VAV3: variants seen among roughly 807,000 people sequenced by gnomAD.
VAV3 encodes guanine nucleotide exchange factor VAV3.
In VAV3, 94 loss-of-function variants were observed where a neutral mutation model predicts 131.2. That is an observed-to-expected ratio of 0.72 (90% CI 0.61 to 0.85). The LOEUF is 0.85. Among genes scored for constraint, VAV3 ranks in the 40% least tolerant of loss-of-function variants. The probability of loss-of-function intolerance (pLI) is 0.00; values close to 1 mark genes in which losing one functional copy is unlikely to be tolerated. For missense variants in VAV3, 939 were observed against 1,002.7 expected, an observed-to-expected ratio of 0.94 and a Z score of 0.86; for synonymous variants, 349 against 342.0, an observed-to-expected ratio of 1.02 and a Z score of -0.22.
intron 15 of VAV3, among the ~76,000 whole-genome samples, chr1:107,744,589 T>A (rs12033063): frequency 0.01 from 1,588 of 152,254 alleles, 24 homozygotes; most frequent in South Asian, 0.045. Context: ...TTTCTTTTTT[T>A]AAAAAAACAA....
chr1:107,944,210 G>A (rs558944132), intron 1 of VAV3, among the ~76,000 whole-genome samples: 4 of 152,224 alleles, frequency 2.6e-5, no homozygotes, highest in South Asian at 2.1e-4. Flanking sequence ...TAAGGATGCC[G>A]GACCCCCTCT....
intron 2 of VAV3, among the ~76,000 whole-genome samples, chr1:107,863,355 C>T (rs1235632930): frequency 6.6e-6 from 1 of 152,194 alleles, no homozygotes; most frequent in East Asian, 1.9e-4. Context: ...CTACCACTGG[C>T]ATTACAATTA....
intron 25 of VAV3, among the ~76,000 whole-genome samples, chr1:107,575,249 CTT>C (rs778724114): frequency 9.2e-5 from 14 of 152,014 alleles, no homozygotes; most frequent in Non-Finnish European, 2.1e-4. Flanking sequence ...GTTGGTGAAA[CTT>C]TATAAATCTT....
intron 9 of VAV3, among the ~76,000 whole-genome samples, chr1:107,763,925 T>C (rs978140321): frequency 6.6e-6 from 1 of 150,662 alleles, no homozygotes; most frequent in South Asian, 2.1e-4. Context: ...AACAGGCAAA[T>C]AAGCCACACG....
At chr1:107,841,291 G>A (rs571161254) in intron 2 of VAV3, among the ~76,000 whole-genome samples, 3 of 151,898 alleles carry the variant, frequency 2.0e-5, no homozygotes, top group Non-Finnish European at 4.4e-5. Flanking sequence ...TAGGGGAAAG[G>A]GGGGGGTAGA....
chr1:107,840,506 A>G (rs1668653711), intron 2 of VAV3, among the ~76,000 whole-genome samples: 1 of 152,196 alleles, frequency 6.6e-6, no homozygotes, highest in African/African-American at 2.4e-5. Flanking sequence ...GCTCCATTCC[A>G]GAGCATTTAA....
chr1:107,661,307 G>T (rs531995924), intron 19 of VAV3, among the ~76,000 whole-genome samples: 76 of 152,226 alleles, frequency 5.0e-4, no homozygotes, highest in Middle Eastern at 3.4e-3. Context: ...GACCCATTAT[G>T]CACCCAAAGT....
chr1:107,808,297 C>T (rs577475814), intron 2 of VAV3, among the ~76,000 whole-genome samples: 1 of 152,010 alleles, frequency 6.6e-6, no homozygotes, highest in Admixed American at 6.6e-5. Flanking sequence ...GTGAACATGA[C>T]AGGCCTAAGA....
intron 15 of VAV3, among the ~76,000 whole-genome samples, chr1:107,745,323 T>C (rs1663273551): frequency 6.6e-6 from 1 of 152,192 alleles, no homozygotes; most frequent in Non-Finnish European, 1.5e-5. Flanking sequence ...ATTTGGTCTA[T>C]TTGGCTCAAT....
chr1:107,807,364 A>G (rs1667107216), intron 2 of VAV3, among the ~76,000 whole-genome samples: 1 of 152,208 alleles, frequency 6.6e-6, no homozygotes, highest in Admixed American at 6.5e-5. Context: ...ATATAGTAGA[A>G]AATGTTATTA....
chr1:107,794,415 T>A (rs1373686995), intron 2 of VAV3, among the ~76,000 whole-genome samples: 1 of 152,232 alleles, frequency 6.6e-6, no homozygotes, highest in Non-Finnish European at 1.5e-5. Context: ...TTATGATACA[T>A]TTTTTCCTTT....
At chr1:107,856,693 T>C (rs991639235) in intron 2 of VAV3, among the ~76,000 whole-genome samples, 1 of 152,176 alleles carries the variant, frequency 6.6e-6, no homozygotes, top group East Asian at 1.9e-4. Context: ...AGAGCAAATA[T>C]GAGATTTTTG....
At chr1:107,847,354 T>C (rs1221068810) in intron 2 of VAV3, among the ~76,000 whole-genome samples, 2 of 151,848 alleles carry the variant, frequency 1.3e-5, no homozygotes, top group African/African-American at 4.8e-5. Context: ...AATATCACGG[T>C]TAAAAGAACT....
At chr1:107,854,374 A>T (rs1439633453) in intron 2 of VAV3, among the ~76,000 whole-genome samples, 2 of 152,216 alleles carry the variant, frequency 1.3e-5, no homozygotes, top group Admixed American at 6.5e-5. Flanking sequence ...CCCTGGGCAA[A>T]CAGATACATA....
intron 20 of VAV3, among the ~76,000 whole-genome samples, chr1:107,625,002 A>G (rs904223170): frequency 5.3e-5 from 8 of 152,068 alleles, no homozygotes; most frequent in African/African-American, 9.7e-5. Flanking sequence ...GGGAGTTGGG[A>G]GCCTGGGTTT....
At chr1:107,849,279 T>C (rs2100948502) in intron 2 of VAV3, among the ~76,000 whole-genome samples, 1 of 150,230 alleles carries the variant, frequency 6.7e-6, no homozygotes, top group South Asian at 2.1e-4. Flanking sequence ...AAGACAATCC[T>C]AGGCAAAAAG....
chr1:107,676,171 G>GA (rs1022475030), intron 19 of VAV3, among the ~76,000 whole-genome samples: 10 of 152,098 alleles, frequency 6.6e-5, no homozygotes, highest in African/African-American at 1.9e-4. Flanking sequence ...CAGAATTATA[G>GA]AAAAAAAATT....
At chr1:107,756,140 C>T (rs1232486662) in intron 11 of VAV3, among the ~76,000 whole-genome samples, 5 of 152,184 alleles carry the variant, frequency 3.3e-5, no homozygotes, top group African/African-American at 1.2e-4. Flanking sequence ...ACATAAAATG[C>T]TGGCCGTGTC....
Position 107,607,916 on chromosome 1 carries a change from T to G in VAV3, c.2015+2015A>C, listed in dbSNP as rs571607248. 7.2e-4 allele frequency among the ~76,000 whole-genome samples: 110 copies of G among 152,294 alleles called. 1 individual carries two copies. Among genetic ancestry groups the G allele is most frequent in the African/African-American group, 2.4e-3 (101 of 41,554 alleles). The stretch of plus-strand genomic sequence containing the variant: ...CTACCATGCCATCAAGCAAAGTAAT[T>G]TTCTCTAAATAGTTTAGTATTTCTA... On this transcript the variant is annotated intron_variant, in intron 22 of 26. Transcript: ENST00000370056.
Sources: gnomAD v4.1 joint callset for allele counts (sites outside exome capture counted in the v4.1 genomes callset) on GRCh38, gnomAD v4.1.1 for gene constraint, MANE v1.5 for transcripts, NCBI Gene and HGNC (gene_info 2026-07-23, HGNC 2026-07-21) for gene names.